The following CCSER1 variants were observed in gnomAD, a reference collection of about 807,000 sequenced individuals.
CCSER1 encodes serine-rich coiled-coil domain-containing protein 1.
In CCSER1, 41 loss-of-function variants were observed where a neutral mutation model predicts 82.0. That is an observed-to-expected ratio of 0.50 (90% CI 0.39 to 0.65). The LOEUF is 0.65. CCSER1 is among the 30% of genes least tolerant of loss of function. The pLI is 0.00. For synonymous variants in CCSER1, 414 were observed against 383.9 expected, an observed-to-expected ratio of 1.08 and a Z score of -0.92; for missense variants, 1,119 against 1,064.2, an observed-to-expected ratio of 1.05 and a Z score of -0.72.
chr4:91,226,235 G>C (rs555519637), intron 10 of CCSER1, among the ~76,000 whole-genome samples: 1 of 151,952 alleles, frequency 6.6e-6, no homozygotes, highest in Admixed American at 6.6e-5. Flanking sequence ...AAAATGCAAG[G>C]CAGCAAATGA....
At chr4:91,005,827 T>C (rs1738454271) in intron 9 of CCSER1, among the ~76,000 whole-genome samples, 1 of 152,190 alleles carries the variant, frequency 6.6e-6, no homozygotes, top group African/African-American at 2.4e-5. Flanking sequence ...ATTGAAATGA[T>C]AGTTCTTTTC....
intron 10 of CCSER1, among the ~76,000 whole-genome samples, chr4:91,262,833 C>G (rs1370822589): frequency 6.7e-6 from 1 of 150,144 alleles, no homozygotes; most frequent in Non-Finnish European, 1.5e-5. Flanking sequence ...GTGATTTAAA[C>G]ATGAGGCTCT....
At chr4:91,056,306 TA>T (rs34672765) in intron 9 of CCSER1, among the ~76,000 whole-genome samples, 34 of 149,350 alleles carry the variant, frequency 2.3e-4, no homozygotes, top group African/African-American at 6.3e-4. Flanking sequence ...GGGTAATTTA[TA>T]AAAAAAAAGA....
Position 90,200,057 on chromosome 4 carries a change from C to T in CCSER1, c.-42+72226C>T, listed in dbSNP as rs571555063. On this transcript the variant is annotated intron_variant, in intron 1 of 10. Transcript: ENST00000509176. ...CCCTCCACTCCCTGACATGCGTGCA[C>T]GCAGACACACACACACACACACACA... is the stretch of plus-strand genomic sequence containing the variant. Among the ~76,000 whole-genome samples the T allele has an allele frequency of 9.0e-5, 11 of 122,528 alleles. No homozygotes were observed. In the East Asian group the frequency reaches 2.5e-3, roughly 28 times the overall value. The allele number at this position is 122,528 out of a possible 152,430, so 80.4% of individuals were successfully genotyped here. A position where few individuals can be genotyped will look rare whatever the true frequency, so the allele number is the denominator to read the frequency against.
chr4:91,070,215 A>C (rs541091993), intron 9 of CCSER1, among the ~76,000 whole-genome samples: 1 of 152,032 alleles, frequency 6.6e-6, no homozygotes, highest in African/African-American at 2.4e-5. Flanking sequence ...AGAACTCTTA[A>C]CCTTGTGATC....
intron 1 of CCSER1, among the ~76,000 whole-genome samples, chr4:90,208,078 T>A (rs1312896535): frequency 6.6e-6 from 1 of 152,186 alleles, no homozygotes; most frequent in African/African-American, 2.4e-5. Flanking sequence ...AACGTTTAAG[T>A]CTGCTGAAGC....
intron 5 of CCSER1, among the ~76,000 whole-genome samples, chr4:90,610,207 T>A (rs927778173): frequency 4.0e-5 from 6 of 151,552 alleles, no homozygotes; most frequent in African/African-American, 1.5e-4. Flanking sequence ...GAGCCAAGAT[T>A]GCGCCACTGC....
At chr4:91,173,529 G>A (rs528342633) in intron 10 of CCSER1, among the ~76,000 whole-genome samples, 2 of 151,324 alleles carry the variant, frequency 1.3e-5, no homozygotes, top group Non-Finnish European at 2.9e-5. Flanking sequence ...GGGAGGTGGA[G>A]GTTGAAGTGA....
At chr4:91,555,926 A>G (rs1412884623) in intron 10 of CCSER1, among the ~76,000 whole-genome samples, 1 of 151,204 alleles carries the variant, frequency 6.6e-6, no homozygotes, top group Non-Finnish European at 1.5e-5. Context: ...AGATGTATAA[A>G]CAATTTTATC....
intron 9 of CCSER1, among the ~76,000 whole-genome samples, chr4:91,022,274 T>G (rs1304252312): frequency 6.6e-6 from 1 of 151,782 alleles, no homozygotes; most frequent in Non-Finnish European, 1.5e-5. Context: ...GTCCTTGTGA[T>G]AGTTTGCTGA....
At chr4:91,448,709 C>G (rs1755708070) in intron 10 of CCSER1, among the ~76,000 whole-genome samples, 1 of 151,886 alleles carries the variant, frequency 6.6e-6, no homozygotes, top group African/African-American at 2.4e-5. Flanking sequence ...TTATGATATG[C>G]CATATATTAT....
chr4:91,533,170 C>G (rs1761121658), intron 10 of CCSER1, among the ~76,000 whole-genome samples: 1 of 152,012 alleles, frequency 6.6e-6, no homozygotes, highest in African/African-American at 2.4e-5. Flanking sequence ...ATAATTCTAC[C>G]TCACTATTTT....
At chr4:90,631,040 C>T (rs1187957037) in intron 6 of CCSER1, among the ~76,000 whole-genome samples, 1 of 151,864 alleles carries the variant, frequency 6.6e-6, no homozygotes, top group Non-Finnish European at 1.5e-5. Flanking sequence ...ACAACAGGCA[C>T]CTGCCACCAT....
chr4:90,589,608 C>A (rs1782447252), intron 5 of CCSER1, among the ~76,000 whole-genome samples: 2 of 151,964 alleles, frequency 1.3e-5, no homozygotes, highest in Non-Finnish European at 2.9e-5. Context: ...TGACAAAGAT[C>A]TATTCTTACA....
At chr4:91,398,036 A>G (rs1360215130) in intron 10 of CCSER1, among the ~76,000 whole-genome samples, 2 of 152,002 alleles carry the variant, frequency 1.3e-5, no homozygotes, top group Admixed American at 6.6e-5. Context: ...ATTTTTGCAT[A>G]TTACCTAGGT....
At position 90,816,880 on chromosome 4, in the gene CCSER1, A is replaced by G. The variant is rs142022265; in HGVS notation, c.2094+1035A>G. On this transcript the variant is annotated intron_variant, in intron 8 of 10. Coordinates refer to ENST00000509176, the MANE Select transcript of CCSER1 (RefSeq NM_001145065.2). ...ATAGTTTATAGACTCTTCACAACTG[A>G]CAATGTTTTCCCTGAAACTTGATCT... Among the ~76,000 whole-genome samples the G allele has an allele frequency of 8.9e-4, 136 of 152,254 alleles. 2 individuals carry two copies. The East Asian group carries it at 0.023, about 26-fold the overall frequency.
chr4:90,590,399 G>A (rs1782546588), intron 5 of CCSER1, among the ~76,000 whole-genome samples: 1 of 152,144 alleles, frequency 6.6e-6, no homozygotes, highest in Non-Finnish European at 1.5e-5. Flanking sequence ...CACCAACATG[G>A]TGAAACCCCA....
intron 9 of CCSER1, among the ~76,000 whole-genome samples, chr4:91,009,346 T>C (rs1278736482): frequency 6.6e-6 from 1 of 152,214 alleles, no homozygotes; most frequent in Non-Finnish European, 1.5e-5. Context: ...CAATAGATGA[T>C]TGGCTATTTC....
intron 7 of CCSER1, among the ~76,000 whole-genome samples, chr4:90,761,458 T>C (rs1488382170): frequency 3.9e-5 from 6 of 152,136 alleles, no homozygotes; most frequent in African/African-American, 1.2e-4. Context: ...GATGAAGTAT[T>C]GTTCAGTAAA....
Sources: allele counts gnomAD v4.1 joint callset (sites outside exome capture counted in the v4.1 genomes callset), GRCh38; gene constraint gnomAD v4.1.1; transcripts MANE v1.5; gene names NCBI Gene and HGNC (gene_info 2026-07-23, HGNC 2026-07-21).